AUTS2: variants seen among roughly 807,000 people sequenced by gnomAD.
The protein encoded by AUTS2 is activator of transcription and developmental regulator AUTS2.
In AUTS2, 17 loss-of-function variants were observed where a neutral mutation model predicts 112.4. The ratio of observed to expected loss-of-function variants is 0.15; its 90% CI spans 0.10 to 0.23. AUTS2 has a LOEUF of 0.23. Among genes scored for constraint, AUTS2 ranks in the 10% least tolerant of loss-of-function variants. The pLI, the probability that AUTS2 is intolerant of heterozygous loss-of-function variation, is 1.00. For missense variants in AUTS2, 1,510 were observed against 1,701.6 expected, an observed-to-expected ratio of 0.89 and a Z score of 1.98; for synonymous variants, 751 against 702.7, an observed-to-expected ratio of 1.07 and a Z score of -1.09.
chr7:70,771,578 G>T lies in AUTS2; in HGVS notation c.1764G>T (p.Ser588=). ...TCCATTCCTATCCTCCTGCAGTGTC[G>T]GGCATCCCCCCTATGATCCCACCCA... is the stretch of plus-strand genomic sequence containing the variant. ...SLFHSYPPAV[S]GIPPMIPPTG... Residue 588 remains serine, a synonymous_variant, in exon 11 of 19, where the codon TCG becomes TCT. Coordinates refer to ENST00000342771, the MANE Select transcript of AUTS2 (RefSeq NM_015570.4). 1 of 1,612,632 alleles carries T rather than the reference G, an allele frequency of 6.2e-7. No individual in the cohort carries two copies. Among genetic ancestry groups the T allele is most frequent in the Non-Finnish European group, 8.5e-7 (1 of 1,179,082 alleles).
intron 1 of AUTS2, among the ~76,000 whole-genome samples, chr7:69,772,472 G>A (rs1488311922): frequency 2.0e-5 from 3 of 152,144 alleles, no homozygotes; most frequent in Non-Finnish European, 2.9e-5. Context: ...ATAGGGTCTC[G>A]CTGTATTGCC....
intron 2 of AUTS2, among the ~76,000 whole-genome samples, chr7:69,958,745 A>G (rs1033587649): frequency 6.6e-6 from 1 of 152,050 alleles, no homozygotes; most frequent in Non-Finnish European, 1.5e-5. Context: ...GCTAGGCTCC[A>G]CCTCCAAGGT....
chr7:69,909,888 T>TA (rs1444125958), intron 2 of AUTS2, among the ~76,000 whole-genome samples: 1 of 152,182 alleles, frequency 6.6e-6, no homozygotes, highest in Non-Finnish European at 1.5e-5. Context: ...CTAATGAAAT[T>TA]ATCATATGAG....
At chr7:70,283,503 T>C (rs986377932) in intron 4 of AUTS2, among the ~76,000 whole-genome samples, 1 of 152,138 alleles carries the variant, frequency 6.6e-6, no homozygotes, top group African/African-American at 2.4e-5. Context: ...TTAAAATGTA[T>C]ATCTTGGAAT....
intron 4 of AUTS2, among the ~76,000 whole-genome samples, chr7:70,222,888 C>CTTTT (rs200649101): frequency 2.3e-5 from 3 of 130,168 alleles, no homozygotes; most frequent in African/African-American, 5.7e-5. Context: ...TGGAAATTTG[C>CTTTT]TTTTTTTTTT....
intron 4 of AUTS2, among the ~76,000 whole-genome samples, chr7:70,274,128 T>C (rs886789303): frequency 2.0e-5 from 3 of 152,172 alleles, no homozygotes; most frequent in Admixed American, 6.5e-5. Context: ...GAGTCCCAAA[T>C]ACCAGATTTC....
intron 1 of AUTS2, among the ~76,000 whole-genome samples, chr7:69,840,597 CAAGAGAATT>C (rs1191421229): frequency 2.0e-5 from 3 of 152,084 alleles, no homozygotes; most frequent in Admixed American, 6.6e-5. Flanking sequence ...TTTGTGCATT[CAAGAGAATT>C]ACTGCAACTG....
At chr7:69,979,449 C>A (rs1034540857) in intron 2 of AUTS2, among the ~76,000 whole-genome samples, 8 of 152,130 alleles carry the variant, frequency 5.3e-5, no homozygotes, top group African/African-American at 1.9e-4. Context: ...TGAAAAGTTC[C>A]AAGGGCTTTA....
intron 5 of AUTS2, among the ~76,000 whole-genome samples, chr7:70,618,349 C>T (rs549264973): frequency 3.1e-4 from 47 of 152,298 alleles, no homozygotes; most frequent in Non-Finnish European, 5.4e-4. Context: ...GATCTGGTCA[C>T]CCTGTGGGAA....
intron 4 of AUTS2, among the ~76,000 whole-genome samples, chr7:70,141,878 C>G (rs1806883255): frequency 6.6e-6 from 1 of 152,164 alleles, no homozygotes; most frequent in South Asian, 2.1e-4. Context: ...TTTGTAGAAT[C>G]TCTACAACAG....
At chr7:70,699,398 G>A (rs1271255404) in intron 6 of AUTS2, 1 of 152,188 alleles carries the variant, frequency 6.6e-6, no homozygotes, top group African/African-American at 2.4e-5. Context: ...TGTGCTTTCT[G>A]TGATAATCTC....
rs747672448 is a variant in AUTS2 at position 70,781,771 on chromosome 7, G to C, written c.2146+15G>C. 1.2e-6 allele frequency: 2 copies of C among 1,612,948 alleles called. No homozygotes were observed. Among genetic ancestry groups the C allele is most frequent in the South Asian group, 1.1e-5 (1 of 90,860 alleles). On this transcript the variant is annotated intron_variant, in intron 15 of 18. Transcript: ENST00000342771. Reference sequence around the variant, plus strand: ...CTCTGCCGCTGGTGAGTGTGGGTTTGGGTGGGGGGACAGAGCTGAGAAATG... The same window carrying C: ...CTCTGCCGCTGGTGAGTGTGGGTTTCGGTGGGGGGACAGAGCTGAGAAATG...
At chr7:69,879,801 T>G (rs1481702800) in intron 1 of AUTS2, among the ~76,000 whole-genome samples, 1 of 152,038 alleles carries the variant, frequency 6.6e-6, no homozygotes, top group Non-Finnish European at 1.5e-5. Flanking sequence ...TGTGAAAAAT[T>G]GATTTTTATT....
At chr7:70,693,069 C>T (rs1424790635) in intron 5 of AUTS2, among the ~76,000 whole-genome samples, 1 of 152,170 alleles carries the variant, frequency 6.6e-6, no homozygotes, top group Non-Finnish European at 1.5e-5. Flanking sequence ...TGCTCTTTTT[C>T]TTGTACTAGG....
At chr7:70,357,500 A>T (rs1449019894) in intron 4 of AUTS2, among the ~76,000 whole-genome samples, 1 of 152,142 alleles carries the variant, frequency 6.6e-6, no homozygotes, top group Non-Finnish European at 1.5e-5. Flanking sequence ...CTGAGGTCTA[A>T]TTGTGCCAGA....
chr7:70,384,431 T>C (rs1793517192), intron 4 of AUTS2, among the ~76,000 whole-genome samples: 2 of 152,212 alleles, frequency 1.3e-5, no homozygotes, highest in South Asian at 4.1e-4. Flanking sequence ...TTTTGAAACA[T>C]ATAATTGGGA....
chr7:70,188,502 G>A (rs1809719271), intron 4 of AUTS2, among the ~76,000 whole-genome samples: 1 of 152,128 alleles, frequency 6.6e-6, no homozygotes, highest in Admixed American at 6.5e-5. Context: ...TTAGTCAGTG[G>A]AAGTGGAAAT....
chr7:69,671,513 G>C (rs1424289895), intron 1 of AUTS2, among the ~76,000 whole-genome samples: 1 of 150,400 alleles, frequency 6.6e-6, no homozygotes, highest in African/African-American at 2.5e-5. Flanking sequence ...GTGTGTGTGT[G>C]TGTGTGTGTG....
At chr7:70,523,155 T>C (rs1799709524) in intron 5 of AUTS2, among the ~76,000 whole-genome samples, 2 of 152,198 alleles carry the variant, frequency 1.3e-5, no homozygotes, top group Non-Finnish European at 2.9e-5. Flanking sequence ...TTTTTGATAA[T>C]AGCAAAGCAG....
Sources: gnomAD v4.1 joint callset for allele counts (sites outside exome capture counted in the v4.1 genomes callset) on GRCh38, gnomAD v4.1.1 for gene constraint, MANE v1.5 for transcripts, NCBI Gene and HGNC (gene_info 2026-07-23, HGNC 2026-07-21) for gene names.